The following STAB1 variants were observed in gnomAD, a reference collection of about 807,000 sequenced individuals.
STAB1 encodes the protein stabilin-1.
In STAB1, 250 loss-of-function variants were observed where a neutral mutation model predicts 332.4. The ratio of observed to expected loss-of-function variants is 0.75; its 90% CI spans 0.68 to 0.84. The LOEUF is 0.84. Among genes scored for constraint, STAB1 ranks in the 40% least tolerant of loss-of-function variants. The pLI is 0.00. For synonymous variants in STAB1, 1,475 were observed against 1,390.4 expected (o/e 1.06, Z -1.35); for missense variants, 3,249 against 3,489.7 (o/e 0.93, Z 1.74).
intron 5 of STAB1, 107 bp from the exon 6 acceptor site, chr3:52,502,525 G>GT: frequency 2.0e-6 from 2 of 1,023,436 alleles, no homozygotes; most frequent in Non-Finnish European, 2.9e-6. Context: ...TCTTAAGGTT[G>GT]TACCTGCCCG....
chr3:52,505,960 C>A, intron 16 of STAB1, 24 bp downstream of exon 16: 1 of 1,612,798 alleles, frequency 6.2e-7, no homozygotes, highest in Non-Finnish European at 8.5e-7. Context: ...TTCTGGGGGG[C>A]GGCCAGCTTG....
intron 14 of STAB1, 67 bp downstream of exon 14, chr3:52,505,448 C>T (rs1383594358): frequency 1.3e-6 from 2 of 1,514,788 alleles, no homozygotes; most frequent in South Asian, 1.2e-5. Context: ...CTCATTATCC[C>T]AGATTCTGCC....
intron 22 of STAB1, 24 bp downstream of exon 22, chr3:52,509,345 C>T: frequency 6.2e-7 from 1 of 1,605,624 alleles, no homozygotes. Flanking sequence ...GCTCAGGCCA[C>T]CTCCTAGGGA....
intron 3 of STAB1, 118 bp downstream of exon 3, chr3:52,501,871 G>C: frequency 1.5e-6 from 2 of 1,374,848 alleles, no homozygotes; most frequent in African/African-American, 1.4e-5. Flanking sequence ...AATACTCACC[G>C]AGCGCCTCCA....
intron 66 of STAB1, 28 bp downstream of exon 66, chr3:52,523,784 C>A (rs746339991): frequency 1.9e-5 from 31 of 1,590,330 alleles, no homozygotes; most frequent in Non-Finnish European, 2.5e-5. Flanking sequence ...GAGGCAGAGC[C>A]CTTCCTGGCA....
In STAB1 at chr3:52,502,670, C is replaced by A. The variant is rs200400313; in HGVS notation, c.526C>A (p.Arg176Ser). 5 of 1,613,684 alleles carry A rather than the reference C, an allele frequency of 3.1e-6. No individual in the cohort carries two copies. Among genetic ancestry groups the A allele is most frequent in the African/African-American group, 2.7e-5 (2 of 74,922 alleles). ...GCACGGAGTGTGCAACCATGGGCCA[C>A]GTGGGGATGGAAGCTGCCTGTGCTT... is the stretch of plus-strand genomic sequence containing the variant. ...CVHGVCNHGP[R>S]GDGSCLCFAG... Residue 176 changes from arginine (R) to serine (S), a missense_variant, in exon 6 of 69, where the codon CGT becomes AGT. Arg to Ser is a moderately radical substitution (Grantham distance 110). Transcript: ENST00000321725.
In STAB1 at chr3:52,517,121, C is replaced by T; in HGVS notation, c.4489+12C>T. ...GGAGCTGTGCCAGGGTGAGACTAGG[C>T]CCCTAACCTGGGTTTATGTTGGGCT... On this transcript the variant is annotated intron_variant, in intron 42 of 68. Transcript: ENST00000321725. The T allele has an allele frequency of 1.3e-6, 2 of 1,529,178 alleles. No individual in the cohort carries two copies. Among genetic ancestry groups the T allele is most frequent in the Non-Finnish European group, 1.8e-6 (2 of 1,139,668 alleles). 94.7% of individuals were successfully genotyped at this position (1,529,178 alleles called of 1,614,324 possible).
intron 26 of STAB1, 106 bp from the exon 27 acceptor site, chr3:52,512,235 G>C (rs1341994868): frequency 2.8e-6 from 3 of 1,066,970 alleles, no homozygotes; most frequent in Admixed American, 3.6e-5. Context: ...GCAGAGCAAG[G>C]GGCAGGGGCT....
Position 52,512,892 on chromosome 3 carries a change from T to C in STAB1, c.3092T>C (p.Val1031Ala). 1.2e-6 allele frequency: 2 copies of C among 1,611,890 alleles called. No homozygotes were observed. The highest frequency in any genetic ancestry group is 1.7e-6 in the Non-Finnish European group (2 of 1,179,822). ...GCCCTGGTGCCCTCCGAGGCTGCAG[T>C]CCGTCAGCTGAGCCCCGAGGACCGA... Reference protein sequence around the residue: ...VTALVPSEAAVRQLSPEDRAF... With the variant: ...VTALVPSEAAARQLSPEDRAF... The change falls in exon 29 of 69, where the codon GTC (valine) becomes GCC (alanine). Residue 1031 changes from valine (V) to alanine (A), a missense_variant. Physicochemically the swap from Val to Ala is moderately conservative, Grantham distance 64. Coordinates refer to ENST00000321725, the MANE Select transcript of STAB1 (RefSeq NM_015136.3).
Position 52,523,485 on chromosome 3 carries a change from A to G in STAB1, c.7199A>G (p.Asn2400Ser). 2 of 1,612,296 alleles carry G rather than the reference A, an allele frequency of 1.2e-6. No individual in the cohort carries two copies. The highest frequency in any genetic ancestry group is 2.2e-5 in the East Asian group (1 of 44,844). ...TCCAACGCCACCCTCCTAAGTGCCAACGCCAGCCAGGGGAAGTTGCTTCCG... is the reference window on the plus strand; with the variant it reads ...TCCAACGCCACCCTCCTAAGTGCCAGCGCCAGCCAGGGGAAGTTGCTTCCG... ...HASNATLLSA[N>S]ASQGKLLPAH... Residue 2400 changes from asparagine to serine, a missense_variant, in exon 65 of 69, where the codon AAC becomes AGC. Transcript: ENST00000321725.
chr3:52,512,499 C>A, intron 27 of STAB1, 63 bp downstream of exon 27: 2 of 1,611,570 alleles, frequency 1.2e-6, no homozygotes, highest in Non-Finnish European at 1.7e-6. Context: ...CTCTCCAGCA[C>A]CTCAGGTGGG....
rs79979130 is a variant in STAB1 at position 52,516,994 on chromosome 3, C to T, written c.4374C>T (p.Pro1458=). The change falls in exon 42 of 69, where the codon CCC becomes CCT. Residue 1458 remains proline (P), a synonymous_variant. Coordinates refer to ENST00000321725, the MANE Select transcript of STAB1 (RefSeq NM_015136.3). ...GCCATCTCCCCTTAGAGGTGGACCC[C>T]TGCGCCCACGGCCATGGGGGCTGCT... The part of the protein sequence containing the change: ...GNGIFCSEVD[P]CAHGHGGCSP... 0.075 allele frequency: 120,493 copies of T among 1,610,210 alleles called. 5,090 individuals carry two copies. Among genetic ancestry groups the T allele is most frequent in the Non-Finnish European group, 0.086 (101,145 of 1,178,930 alleles).
rs560432506 is a variant in STAB1, at chr3:52,520,957, A to G, written c.5860A>G (p.Thr1954Ala). ...CTGCCACCGCAATTGTGTCACCACCACCTGGAAGCCCAGCTGCTGCCCTGG... is the reference window on the plus strand; with the variant it reads ...CTGCCACCGCAATTGTGTCACCACCGCCTGGAAGCCCAGCTGCTGCCCTGG... ...RGCHRNCVTT[T>A]WKPSCCPGHY... Residue 1954 changes from threonine to alanine, a missense_variant, in exon 55 of 69, where the codon ACC (threonine) becomes GCC (alanine). Transcript: ENST00000321725. 2.5e-6 allele frequency: 4 copies of G among 1,580,818 alleles called. No homozygotes were observed. The East Asian group carries it at 6.7e-5, about 27-fold the overall frequency.
At position 52,518,746 on chromosome 3, in the gene STAB1, G is replaced by T. The variant is rs1174821239; in HGVS notation, c.4911G>T (p.Ala1637=). The T allele has an allele frequency of 2.5e-6, 4 of 1,612,500 alleles. No individual in the cohort carries two copies. Among genetic ancestry groups the T allele is most frequent in the Non-Finnish European group, 2.5e-6 (3 of 1,179,796 alleles). The change falls in exon 48 of 69, where the codon GCG becomes GCT. Residue 1637 remains alanine, a synonymous_variant. Coordinates refer to ENST00000321725, the MANE Select transcript of STAB1 (RefSeq NM_015136.3). The part of the protein sequence containing the change: ...LSQDELARIR[A]HRQLVFRYHV... ...AGGATGAGCTGGCCCGGATTCGTGC[G>T]CATCGCCAGCTGGTGTTTCGCTACC...
chr3:52,506,217 G>A lies in STAB1; in HGVS notation c.1797G>A (p.Ala599=), dbSNP rs778673205. 3.3e-5 allele frequency: 53 copies of A among 1,612,826 alleles called. No homozygotes were observed. Among genetic ancestry groups the A allele is most frequent in the South Asian group, 1.7e-4 (15 of 90,762 alleles). Residue 599 remains alanine, a synonymous_variant, in exon 17 of 69, where the codon GCG becomes GCA. Transcript: ENST00000321725. The part of the protein sequence containing the change: ...LISKGRILTM[A]NQVLAVNISE... ...CCAAGGGTCGGATCCTCACCATGGC[G>A]AACCAGGTCCTGGCTGTGAACATTT...
intron 2 of STAB1, 103 bp from the exon 3 acceptor site, chr3:52,501,535 G>A: frequency 8.3e-7 from 1 of 1,202,862 alleles, no homozygotes; most frequent in South Asian, 1.4e-5. Flanking sequence ...GGGCCAGGCA[G>A]AGCAGGGAGG....
At chr3:52,519,139 G>C in intron 48 of STAB1, 125 bp from the exon 49 acceptor site, 1 of 1,342,658 alleles carries the variant, frequency 7.4e-7, no homozygotes, top group South Asian at 1.3e-5. Flanking sequence ...CCTCGTCCTG[G>C]TCCCGAAGAA....
Position 52,511,630 on chromosome 3 carries a change from T to C in STAB1, c.2788-20T>C, listed in dbSNP as rs1425310844. On this transcript the variant is annotated intron_variant, in intron 25 of 68. Transcript: ENST00000321725. ...GGATGCTCATCATGAGACAAGGCCG[T>C]CTGTTCCTAACCTTTCCAGAGCCGA... The C allele has an allele frequency of 3.8e-6, 6 of 1,597,566 alleles. No individual in the cohort carries two copies. In the South Asian group the frequency reaches 5.6e-5, roughly 15 times the overall value.
intron 2 of STAB1, 54 bp from the exon 3 acceptor site, chr3:52,501,584 T>C: frequency 6.8e-7 from 1 of 1,481,338 alleles, no homozygotes; most frequent in Non-Finnish European, 9.2e-7. Context: ...GGAGGCTGGG[T>C]GGGGGCTGTG....
Sources: allele counts gnomAD v4.1 joint callset, GRCh38; gene constraint gnomAD v4.1.1; transcripts MANE v1.5; gene names NCBI Gene and HGNC (gene_info 2026-07-23, HGNC 2026-07-21).